The following CHSY3 variants were observed in gnomAD, a reference collection of about 807,000 sequenced individuals.
The protein encoded by CHSY3 is chondroitin sulfate synthase 3.
Under a neutral mutation model 67.2 loss-of-function variants are expected in CHSY3, and 35 were observed. That is an observed-to-expected ratio of 0.52 (90% confidence interval 0.40 to 0.69). CHSY3 has a LOEUF of 0.69. Ranked by LOEUF, CHSY3 falls within the 30% of genes least tolerant of loss-of-function variation. CHSY3 has a pLI of 0.00. For missense variants in CHSY3, 1,069 were observed against 1,138.5 expected (o/e 0.94, Z 0.88); for synonymous variants, 474 against 434.7 (o/e 1.09, Z -1.12).
Position 129,904,562 on chromosome 5 carries a change from G to A in CHSY3, c.-268G>A. ...TCCAGCTGCCGCTGCTGCCGCCGCTGCCGCCACCGCCGCCGCCGGGAGAAG... is the reference window on the plus strand; with the variant it reads ...TCCAGCTGCCGCTGCTGCCGCCGCTACCGCCACCGCCGCCGCCGGGAGAAG... On this transcript the variant is annotated 5_prime_UTR_variant, in exon 1 of 3. Coordinates refer to ENST00000305031, the MANE Select transcript of CHSY3 (RefSeq NM_175856.5). The A allele has an allele frequency of 2.5e-6, 1 of 395,384 alleles. No individual in the cohort carries two copies. Among genetic ancestry groups the A allele is most frequent in the Non-Finnish European group, 4.1e-6 (1 of 243,992 alleles). The allele number at this position is 395,384 out of a possible 1,614,324, so 24.5% of individuals were successfully genotyped here.
chr5:130,126,523 G>A (rs1410705439), intron 2 of CHSY3, among the ~76,000 whole-genome samples: 1 of 151,940 alleles, frequency 6.6e-6, no homozygotes, highest in African/African-American at 2.4e-5. Flanking sequence ...TTTTGTTATG[G>A]TAGAGAGAGC....
chr5:130,128,880 T>C lies in CHSY3; in HGVS notation c.1087-55349T>C, dbSNP rs557514664. 2.6e-5 allele frequency among the ~76,000 whole-genome samples: 4 copies of C among 152,248 alleles called. No homozygotes were observed. The East Asian group carries it at 7.7e-4, about 29-fold the overall frequency. ...TAAAATATTTCTGTAATGAACTTTA[T>C]TTCTCATCAAAGTAAGATCATGGGC... is the stretch of plus-strand genomic sequence containing the variant. On this transcript the variant is annotated intron_variant, in intron 2 of 2. Coordinates refer to ENST00000305031, the MANE Select transcript of CHSY3 (RefSeq NM_175856.5).
intron 2 of CHSY3, among the ~76,000 whole-genome samples, chr5:130,172,387 A>G (rs1317146787): frequency 6.7e-6 from 1 of 148,856 alleles, no homozygotes. Context: ...CTGGAGTGCA[A>G]TGGCACCATC....
In CHSY3 at chr5:130,111,591, A is replaced by G. The variant is rs1298585170; in HGVS notation, c.1087-72638A>G. 3.3e-5 allele frequency among the ~76,000 whole-genome samples: 5 copies of G among 152,262 alleles called. No individual in the cohort carries two copies. The East Asian group carries it at 9.6e-4, about 29-fold the overall frequency. ...TACTGCTTATTTATAGGTTAAGGCA[A>G]TAATTTCCAATCCTAGCTGAATATT... is the stretch of plus-strand genomic sequence containing the variant. On this transcript the variant is annotated intron_variant, in intron 2 of 2. Transcript: ENST00000305031.
At chr5:129,906,572 G>A (rs1421415989) in intron 1 of CHSY3, among the ~76,000 whole-genome samples, 1 of 152,218 alleles carries the variant, frequency 6.6e-6, no homozygotes, top group Non-Finnish European at 1.5e-5. Context: ...TTCCCGGAAT[G>A]TGGGCGGCTC....
chr5:130,053,284 G>A (rs1765422089), intron 2 of CHSY3, among the ~76,000 whole-genome samples: 2 of 152,182 alleles, frequency 1.3e-5, no homozygotes, highest in Non-Finnish European at 2.9e-5. Flanking sequence ...TAGACAATGA[G>A]GGCAGAGTCA....
At chr5:130,154,913 G>T (rs1769328545) in intron 2 of CHSY3, among the ~76,000 whole-genome samples, 1 of 152,158 alleles carries the variant, frequency 6.6e-6, no homozygotes, top group South Asian at 2.1e-4. Flanking sequence ...ATCACCTGGG[G>T]ATTTTGTTAA....
At chr5:130,133,916 C>CG (rs1768575109) in intron 2 of CHSY3, among the ~76,000 whole-genome samples, 1 of 150,614 alleles carries the variant, frequency 6.6e-6, no homozygotes, top group Non-Finnish European at 1.5e-5. Context: ...TTGCTTAACT[C>CG]TAATTTTTTA....
At chr5:129,937,945 T>C (rs1761560153) in intron 2 of CHSY3, among the ~76,000 whole-genome samples, 2 of 152,032 alleles carry the variant, frequency 1.3e-5, no homozygotes, top group Non-Finnish European at 2.9e-5. Context: ...GGCTCCAACC[T>C]CACATTTCCC....
intron 2 of CHSY3, among the ~76,000 whole-genome samples, chr5:129,930,099 C>T (rs767981858): frequency 1.3e-5 from 2 of 151,996 alleles, no homozygotes; most frequent in Non-Finnish European, 2.9e-5. Flanking sequence ...TTTGGAAGGC[C>T]GAGGCAGGCA....
At chr5:129,962,466 G>C (rs1327738821) in intron 2 of CHSY3, among the ~76,000 whole-genome samples, 1 of 151,996 alleles carries the variant, frequency 6.6e-6, no homozygotes. Flanking sequence ...AATGCATCAA[G>C]ATTGTTCTCT....
intron 2 of CHSY3, among the ~76,000 whole-genome samples, chr5:129,963,226 A>T (rs1409463698): frequency 6.6e-6 from 1 of 151,880 alleles, no homozygotes; most frequent in Non-Finnish European, 1.5e-5. Context: ...GCTATTACAG[A>T]TATGTTACAT....
chr5:130,085,724 G>C (rs959183222), intron 2 of CHSY3, among the ~76,000 whole-genome samples: 1 of 151,850 alleles, frequency 6.6e-6, no homozygotes, highest in Non-Finnish European at 1.5e-5. Context: ...TTGGATCTTT[G>C]CTGCTTTCTC....
chr5:130,180,690 A>G (rs2149737170), intron 2 of CHSY3, among the ~76,000 whole-genome samples: 1 of 151,964 alleles, frequency 6.6e-6, no homozygotes, highest in African/African-American at 2.4e-5. Context: ...CATCTCTACA[A>G]AAGAAATTGA....
chr5:130,100,438 G>A (rs1009193974), intron 2 of CHSY3, among the ~76,000 whole-genome samples: 9 of 150,074 alleles, frequency 6.0e-5, no homozygotes, highest in African/African-American at 9.8e-5. Context: ...CTTGTGATCC[G>A]CCCGCCTCGG....
intron 2 of CHSY3, among the ~76,000 whole-genome samples, chr5:130,019,509 A>G (rs1764306701): frequency 6.6e-6 from 1 of 152,068 alleles, no homozygotes; most frequent in Non-Finnish European, 1.5e-5. Context: ...CTGTGTCACC[A>G]CTTGGTCCCC....
rs186115367 is a variant in CHSY3 at position 129,939,376 on chromosome 5, A to T, written c.1086+31016A>T. On this transcript the variant is annotated intron_variant, in intron 2 of 2. Transcript: ENST00000305031. The stretch of plus-strand genomic sequence containing the variant: ...ACTTTAATCATTCTGTGGAGCTTTA[A>T]GTCATAATGAAGATTAGGCTGTATT... 3.9e-5 allele frequency among the ~76,000 whole-genome samples: 6 copies of T among 152,320 alleles called. No individual in the cohort carries two copies. In the East Asian group the frequency reaches 5.8e-4, roughly 15 times the overall value.
chr5:130,105,490 A>G (rs979130481), intron 2 of CHSY3, among the ~76,000 whole-genome samples: 2 of 151,688 alleles, frequency 1.3e-5, no homozygotes, highest in Admixed American at 6.6e-5. Flanking sequence ...AGAAAGGCCT[A>G]CATGAAGTAG....
At chr5:129,952,912 C>G (rs1053084759) in intron 2 of CHSY3, among the ~76,000 whole-genome samples, 4 of 152,110 alleles carry the variant, frequency 2.6e-5, no homozygotes, top group Non-Finnish European at 4.4e-5. Context: ...AATTGTATGG[C>G]AAACTTTTAT....
Sources: allele counts gnomAD v4.1 joint callset (sites outside exome capture counted in the v4.1 genomes callset), GRCh38; gene constraint gnomAD v4.1.1; transcripts MANE v1.5; gene names NCBI Gene and HGNC (gene_info 2026-07-23, HGNC 2026-07-21).